PPARGC1A: variants seen among roughly 807,000 people sequenced by gnomAD.
PPARGC1A encodes the protein PPARG coactivator 1 alpha.
In PPARGC1A, 25 loss-of-function variants were observed where a neutral mutation model predicts 88.7. The observed-to-expected ratio is 0.28, with a 90% CI of 0.21 to 0.39. The LOEUF is 0.39. PPARGC1A is among the 10% of genes least tolerant of loss of function. The pLI, the probability that PPARGC1A is intolerant of heterozygous loss-of-function variation, is 1.00. For synonymous variants in PPARGC1A, 363 were observed against 355.6 expected (o/e 1.02, Z -0.24); for missense variants, 880 against 968.7 (o/e 0.91, Z 1.22).
the PPARGC1A span, among the ~76,000 whole-genome samples, chr4:23,948,543 C>T: frequency 1.3e-5 from 2 of 152,064 alleles, no homozygotes; most frequent in Non-Finnish European, 2.9e-5. Context: ...TGGTTTCTCT[C>T]TAGGAGGCCC....
At chr4:24,238,282 T>A in the PPARGC1A span, among the ~76,000 whole-genome samples, 1 of 152,214 alleles carries the variant, frequency 6.6e-6, no homozygotes, top group East Asian at 1.9e-4. Flanking sequence ...CACATGTAAA[T>A]GCATTGTTAG....
At chr4:23,949,160 C>A in the PPARGC1A span, among the ~76,000 whole-genome samples, 1 of 152,114 alleles carries the variant, frequency 6.6e-6, no homozygotes, top group Non-Finnish European at 1.5e-5. Context: ...AATTAACAGA[C>A]CACTCAGAAA....
At chr4:23,816,149 G>C (rs1455990437) in intron 7 of PPARGC1A, among the ~76,000 whole-genome samples, 1 of 152,182 alleles carries the variant, frequency 6.6e-6, no homozygotes, top group East Asian at 1.9e-4. Flanking sequence ...TGACTTCGGA[G>C]TTCCAACTCA....
the PPARGC1A span, among the ~76,000 whole-genome samples, chr4:23,974,799 A>ATTTTTTTTGTTTTTTTTT: frequency 1.6e-5 from 1 of 61,120 alleles, no homozygotes; most frequent in Non-Finnish European, 2.8e-5. Context: ...GGCCCGGCTA[A>ATTTTTTTTGTTTTTTTTT]TTTTTTTTTT....
At chr4:23,983,548 A>G in the PPARGC1A span, among the ~76,000 whole-genome samples, 2 of 152,180 alleles carry the variant, frequency 1.3e-5, no homozygotes, top group African/African-American at 2.4e-5. Context: ...TTCTTTATAT[A>G]CATATGGCCA....
At chr4:24,064,624 C>T in the PPARGC1A span, among the ~76,000 whole-genome samples, 1 of 152,042 alleles carries the variant, frequency 6.6e-6, no homozygotes, top group Non-Finnish European at 1.5e-5. Flanking sequence ...ACACACAGGG[C>T]ATTCTCCTCC....
chr4:23,844,148 G>A lies in PPARGC1A; in HGVS notation c.235-12397C>T, dbSNP rs28481864. On this transcript the variant is annotated intron_variant, in intron 2 of 12. Transcript: ENST00000264867. The stretch of plus-strand genomic sequence containing the variant: ...ATAATAGATTTTATATTTATACATC[G>A]GGAGAATACAGTATACATATGTGTG... Among the ~76,000 whole-genome samples, 826 of 149,466 alleles carry A rather than the reference G, an allele frequency of 5.5e-3. 10 individuals are homozygous for A. The highest frequency in any genetic ancestry group is 0.019 in the African/African-American group (781 of 40,828).
chr4:24,442,505 C>A, the PPARGC1A span, among the ~76,000 whole-genome samples: 1 of 152,230 alleles, frequency 6.6e-6, no homozygotes. Context: ...TCATCCATTT[C>A]ATTCCTATGT....
chr4:24,131,488 C>T, the PPARGC1A span, among the ~76,000 whole-genome samples: 5 of 152,326 alleles, frequency 3.3e-5, no homozygotes, highest in East Asian at 1.9e-4. Context: ...TCAGTAACTA[C>T]ACGGCAAGAT....
chr4:24,323,337 A>G, the PPARGC1A span, among the ~76,000 whole-genome samples: 5 of 152,212 alleles, frequency 3.3e-5, no homozygotes, highest in African/African-American at 4.8e-5. Flanking sequence ...ACTTGCACAT[A>G]TACGCCCAGA....
rs2970847 is a variant in PPARGC1A, at chr4:23,814,301, T to C, written c.1182A>G (p.Thr394=). 1,308,019 of 1,613,878 alleles carry C rather than the reference T, an allele frequency of 0.81. 532,364 individuals are homozygous for C. Among genetic ancestry groups the C allele is most frequent in the African/African-American group, 0.97 (72,479 of 74,988 alleles). Residue 394 remains threonine, a synonymous_variant, in exon 8 of 13, where the codon ACA becomes ACG. Coordinates refer to ENST00000264867, the MANE Select transcript of PPARGC1A (RefSeq NM_013261.5). ...CCTGTGATATATTAATGAGTATTTCTGTTTTGGAATTAATTGACTGGCAAT... is the reference window on the plus strand; with the variant it reads ...CCTGTGATATATTAATGAGTATTTCCGTTTTGGAATTAATTGACTGGCAAT... ...HDYCQSINSK[T]EILINISQEL... is the part of the protein sequence containing the mutation.
chr4:23,941,234 T>C, the PPARGC1A span, among the ~76,000 whole-genome samples: 1 of 152,104 alleles, frequency 6.6e-6, no homozygotes, highest in African/African-American at 2.4e-5. Flanking sequence ...TTAATTTTTG[T>C]TTTTCAGAGA....
the PPARGC1A span, among the ~76,000 whole-genome samples, chr4:24,218,096 T>C: frequency 6.6e-6 from 1 of 152,150 alleles, no homozygotes; most frequent in African/African-American, 2.4e-5. Flanking sequence ...AGTTAGAAAA[T>C]TAAGACAAAC....
the PPARGC1A span, among the ~76,000 whole-genome samples, chr4:24,428,876 C>T: frequency 6.6e-6 from 1 of 152,140 alleles, no homozygotes; most frequent in African/African-American, 2.4e-5. Context: ...AGCCTCAGGC[C>T]ATGGGATAAT....
At chr4:23,920,492 T>A in the PPARGC1A span, among the ~76,000 whole-genome samples, 1 of 152,202 alleles carries the variant, frequency 6.6e-6, no homozygotes, top group Non-Finnish European at 1.5e-5. Flanking sequence ...AAACTCTATG[T>A]GGCCAGCAGC....
the PPARGC1A span, among the ~76,000 whole-genome samples, chr4:24,316,728 T>C: frequency 6.6e-6 from 1 of 152,228 alleles, no homozygotes; most frequent in Non-Finnish European, 1.5e-5. Flanking sequence ...ATGCTTATCC[T>C]TAAAGATTTG....
chr4:23,855,528 A>C (rs964139638), intron 2 of PPARGC1A, among the ~76,000 whole-genome samples: 2 of 152,222 alleles, frequency 1.3e-5, no homozygotes, highest in Non-Finnish European at 2.9e-5. Flanking sequence ...ACTCTTGTGC[A>C]TTGTATAATG....
the PPARGC1A span, among the ~76,000 whole-genome samples, chr4:23,932,834 C>A: frequency 5.9e-5 from 9 of 152,236 alleles, no homozygotes; most frequent in East Asian, 1.7e-3. Flanking sequence ...TCTAAGATTT[C>A]TCTGACAAAA....
chr4:24,052,418 C>T, the PPARGC1A span, among the ~76,000 whole-genome samples: 1 of 152,052 alleles, frequency 6.6e-6, no homozygotes, highest in African/African-American at 2.4e-5. Flanking sequence ...AGGTGGATCA[C>T]CTGAGGTCAG....
Sources: allele counts gnomAD v4.1 joint callset (sites outside exome capture counted in the v4.1 genomes callset), GRCh38; gene constraint gnomAD v4.1.1; transcripts MANE v1.5; gene names NCBI Gene and HGNC (gene_info 2026-07-23, HGNC 2026-07-21).